Variants in PTPN21 observed in about 807,000 individuals in gnomAD.
PTPN21 encodes the protein tyrosine-protein phosphatase non-receptor type 21.
Under a neutral mutation model 131.8 loss-of-function variants are expected in PTPN21, and 77 were observed. The observed-to-expected ratio is 0.58, with a 90% CI of 0.49 to 0.71. PTPN21 has a LOEUF of 0.71. PTPN21 is among the 30% of genes least tolerant of loss of function. The probability of loss-of-function intolerance (pLI) is 0.00; values close to 1 mark genes in which losing one functional copy is unlikely to be tolerated. For missense variants in PTPN21, 1,552 were observed against 1,527.1 expected, an observed-to-expected ratio of 1.02 and a Z score of -0.27; for synonymous variants, 715 against 621.3, an observed-to-expected ratio of 1.15 and a Z score of -2.24.
chr14:88,489,040 C>T (rs775372916), intron 10 of PTPN21, among the ~76,000 whole-genome samples: 6 of 152,098 alleles, frequency 3.9e-5, no homozygotes, highest in South Asian at 4.2e-4. Flanking sequence ...GTAGTAGAAC[C>T]GGCATTTGAA....
At chr14:88,553,089 C>T (rs2078887911) in intron 1 of PTPN21, among the ~76,000 whole-genome samples, 1 of 152,130 alleles carries the variant, frequency 6.6e-6, no homozygotes, top group Non-Finnish European at 1.5e-5. Context: ...GCCTTGAAAG[C>T]AATAGATACT....
chr14:88,523,584 G>A (rs912770471), intron 2 of PTPN21, among the ~76,000 whole-genome samples: 1 of 152,092 alleles, frequency 6.6e-6, no homozygotes, highest in African/African-American at 2.4e-5. Context: ...ACATTGTACT[G>A]AAGGTTCTAA....
chr14:88,534,335 A>G (rs1263995111), intron 2 of PTPN21, among the ~76,000 whole-genome samples: 1 of 152,016 alleles, frequency 6.6e-6, no homozygotes, highest in East Asian at 1.9e-4. Flanking sequence ...GTAAGCCAAG[A>G]TCACGCAACT....
intron 10 of PTPN21, among the ~76,000 whole-genome samples, chr14:88,486,677 T>A (rs765419254): frequency 1.2e-4 from 19 of 152,260 alleles, no homozygotes; most frequent in Admixed American, 2.6e-4. Flanking sequence ...TTGAATATAC[T>A]TTTTAAAAAA....
Position 88,479,999 on chromosome 14 carries a change from C to T in PTPN21, c.1432G>A (p.Gly478Ser), listed in dbSNP as rs968394978. The T allele has an allele frequency of 5.0e-6, 8 of 1,612,654 alleles. No individual in the cohort carries two copies. The highest frequency in any genetic ancestry group is 2.7e-5 in the African/African-American group (2 of 75,024). The change falls in exon 13 of 19, where the codon GGC becomes AGC. Residue 478 changes from glycine to serine, a missense_variant. By Grantham distance (56) the Gly-to-Ser change is moderately conservative. This residue lies in a region of PTPN21 where 1,016 missense variants were observed against 883.5 expected (regional missense o/e 1.15). Transcript: ENST00000556564. ...QSHSLRNLNI[G>S]SSYAYSRPAA... Reference sequence around the variant, plus strand: ...GGCCTGCTGTAGGCGTACGAGCTGCCGATGTTGAGGTTTCGCAGCGAGTGG... The same window carrying T: ...GGCCTGCTGTAGGCGTACGAGCTGCTGATGTTGAGGTTTCGCAGCGAGTGG...
rs377654631 is a variant in PTPN21 at position 88,501,806 on chromosome 14, C to T, written c.588-438G>A. Among the ~76,000 whole-genome samples, 173 of 148,976 alleles carry T rather than the reference C, an allele frequency of 1.2e-3. 3 individuals are homozygous for T. Among genetic ancestry groups the T allele is most frequent in the African/African-American group, 4.0e-3 (163 of 40,728 alleles). On this transcript the variant is annotated intron_variant, in intron 6 of 18. Coordinates refer to ENST00000556564, the MANE Select transcript of PTPN21 (RefSeq NM_007039.4). ...CCAGCCTGGGCAACATAGTGAGACC[C>T]TGTCACTACAAAAAAAAAAATGTTT... is the stretch of plus-strand genomic sequence containing the variant.
At chr14:88,526,772 G>C (rs2078485027) in intron 2 of PTPN21, among the ~76,000 whole-genome samples, 1 of 152,042 alleles carries the variant, frequency 6.6e-6, no homozygotes, top group African/African-American at 2.4e-5. Context: ...AGTGTACACT[G>C]TACCCAATCT....
At chr14:88,470,250 A>G (rs2077439894) in intron 15 of PTPN21, 200 bp from the exon 16 acceptor site, 3 of 594,074 alleles carry the variant, frequency 5.0e-6, no homozygotes, top group Non-Finnish European at 8.8e-6. Flanking sequence ...TGACATTTTT[A>G]TAAACTTAGG....
chr14:88,500,567 T>C (rs539616552), intron 8 of PTPN21, among the ~76,000 whole-genome samples: 3 of 152,340 alleles, frequency 2.0e-5, no homozygotes, highest in South Asian at 4.1e-4. Context: ...GCCGTCATTA[T>C]AGGCATTATA....
rs2078904466 is a variant in PTPN21, at chr14:88,554,872, C to G, written c.-424G>C. ...CGGTGGCGACGGCGAGGGGCGAGGC[C>G]TGGAGGTGGGACCGGCCGGCGAGGA... is the stretch of plus-strand genomic sequence containing the variant. On this transcript the variant is annotated 5_prime_UTR_variant, in exon 1 of 19. Transcript: ENST00000556564. The G allele has an allele frequency of 1.3e-5, 2 of 152,274 alleles. No individual in the cohort carries two copies. 9.4% of individuals were successfully genotyped at this position (152,274 alleles called of 1,614,324 possible).
chr14:88,546,105 C>T (rs898968919), intron 2 of PTPN21, among the ~76,000 whole-genome samples: 2 of 151,482 alleles, frequency 1.3e-5, no homozygotes, highest in South Asian at 2.1e-4. Flanking sequence ...ATATTAACCA[C>T]GTTGCTTTTA....
chr14:88,520,755 G>T lies in PTPN21; in HGVS notation c.181-3494C>A, dbSNP rs897447158. 2.2e-4 allele frequency among the ~76,000 whole-genome samples: 33 copies of T among 152,178 alleles called. 1 individual carries two copies. Among genetic ancestry groups the T allele is most frequent in the Admixed American group, 2.0e-3 (31 of 15,262 alleles). The stretch of plus-strand genomic sequence containing the variant: ...AATCAATCTAATTTGGTTTTCTCAA[G>T]TGTAAAATAAAGTAATATCTCCCTC... On this transcript the variant is annotated intron_variant, in intron 2 of 18. Coordinates refer to ENST00000556564, the MANE Select transcript of PTPN21 (RefSeq NM_007039.4).
intron 10 of PTPN21, among the ~76,000 whole-genome samples, chr14:88,495,168 G>A (rs1379513038): frequency 6.6e-6 from 1 of 152,106 alleles, no homozygotes; most frequent in African/African-American, 2.4e-5. Context: ...GTATTCTGAT[G>A]AGAAGTAGTG....
chr14:88,482,488 G>A (rs1202706315), intron 12 of PTPN21, among the ~76,000 whole-genome samples: 1 of 152,136 alleles, frequency 6.6e-6, no homozygotes, highest in African/African-American at 2.4e-5. Context: ...GCTGGGCGTG[G>A]TGGCGCATGC....
intron 2 of PTPN21, chr14:88,547,576 C>A: frequency 2.3e-6 from 1 of 440,856 alleles, no homozygotes; most frequent in Non-Finnish European, 4.5e-6. Flanking sequence ...TCACTTGAGC[C>A]TAGGTGTTTG....
intron 2 of PTPN21, among the ~76,000 whole-genome samples, chr14:88,525,228 A>C (rs1341498367): frequency 6.6e-6 from 1 of 152,180 alleles, no homozygotes; most frequent in Non-Finnish European, 1.5e-5. Context: ...GCAACAGAGC[A>C]AGACCCTGTC....
rs546458854 is a variant in PTPN21 at position 88,477,341 on chromosome 14, C to T, written c.2511+1579G>A. On this transcript the variant is annotated intron_variant, in intron 13 of 18. Coordinates refer to ENST00000556564, the MANE Select transcript of PTPN21 (RefSeq NM_007039.4). ...CCAGCACTTTGGGAGGCTGAGGCAG[C>T]CAGATCACAAGGCAGGGGAATCGCT... Among the ~76,000 whole-genome samples the T allele has an allele frequency of 6.6e-4, 98 of 148,742 alleles. 1 individual carries two copies. Among genetic ancestry groups the T allele is most frequent in the South Asian group, 4.3e-3 (20 of 4,704 alleles).
Position 88,501,326 on chromosome 14 carries a change from C to T in PTPN21, c.630G>A (p.Glu210=), listed in dbSNP as rs373528011. 2 of 1,614,152 alleles carry T rather than the reference C, an allele frequency of 1.2e-6. No homozygotes were observed. The highest frequency in any genetic ancestry group is 2.2e-5 in the South Asian group (2 of 91,078). Reference sequence around the variant, plus strand: ...CTCCATAGCCATCCATTCTCTCTACCTCCTGCATGTACAGCATTTCAGCAT... The same window carrying T: ...CTCCATAGCCATCCATTCTCTCTACTTCCTGCATGTACAGCATTTCAGCAT... ...APDAEMLYMQ[E]VERMDGYGEE... Residue 210 remains glutamate (E), a synonymous_variant, in exon 7 of 19, where the codon GAG becomes GAA. Transcript: ENST00000556564.
At chr14:88,470,252 A>T in intron 15 of PTPN21, 1 of 588,942 alleles carries the variant, frequency 1.7e-6, no homozygotes, top group Non-Finnish European at 3.0e-6. Flanking sequence ...ACATTTTTAT[A>T]AACTTAGGTA....
Sources: gnomAD v4.1 joint callset for allele counts (sites outside exome capture counted in the v4.1 genomes callset) on GRCh38, gnomAD v4.1.1 for gene constraint, gnomAD v4.1.1 regional missense constraint, MANE v1.5 for transcripts, NCBI Gene and HGNC (gene_info 2026-07-23, HGNC 2026-07-21) for gene names.